Variants in NEK6 observed in about 807,000 individuals in gnomAD.
NEK6 encodes serine/threonine-protein kinase Nek6.
Under a neutral mutation model 43.5 loss-of-function variants are expected in NEK6, and 27 were observed. The ratio of observed to expected loss-of-function variants is 0.62; its 90% CI spans 0.46 to 0.86. The LOEUF (loss-of-function observed/expected upper bound fraction) is 0.86, where lower values mean the gene tolerates loss of function less well. Ranked by LOEUF, NEK6 falls within the 40% of genes least tolerant of loss-of-function variation. NEK6 has a pLI of 0.00. For missense variants in NEK6, 318 were observed against 414.4 expected, an observed-to-expected ratio of 0.77 and a Z score of 2.02; for synonymous variants, 167 against 164.1, an observed-to-expected ratio of 1.02 and a Z score of -0.14.
intron 5 of NEK6, among the ~76,000 whole-genome samples, chr9:124,322,479 G>A (rs1030532718): frequency 3.9e-5 from 6 of 152,100 alleles, no homozygotes; most frequent in South Asian, 4.1e-4. Context: ...CTGAGTCCCC[G>A]CCGTCCTCAA....
In NEK6 at chr9:124,343,974, T is replaced by A. The variant is rs1186253488; in HGVS notation, c.718-3735T>A. Among the ~76,000 whole-genome samples the A allele has an allele frequency of 6.6e-6, 1 of 152,214 alleles. No individual in the cohort carries two copies. Among genetic ancestry groups the A allele is most frequent in the Non-Finnish European group, 1.5e-5 (1 of 68,044 alleles). On this transcript the variant is annotated intron_variant, in intron 8 of 9. Transcript: ENST00000320246. The surrounding 1 kb of genome is among the most constrained non-coding windows in gnomAD (Gnocchi z 5.1). The stretch of plus-strand genomic sequence containing the variant: ...CTGGAGGCCAGATGTCCAAAATCAG[T>A]CTCGCTGGGCTAAGTCAAGGTGTCA...
In NEK6 at chr9:124,347,875, T is replaced by G. The variant is rs773751174; in HGVS notation, c.831+53T>G. On this transcript the variant is annotated intron_variant, in intron 9 of 9. Coordinates refer to ENST00000320246, the MANE Select transcript of NEK6 (RefSeq NM_014397.6). ...CCAGCCCCAGGAGGCCACCGAGGCT[T>G]ATGAGGGCCGCTCCAAAACACCACA... The G allele has an allele frequency of 1.7e-5, 18 of 1,085,514 alleles. 1 individual carries two copies. Among genetic ancestry groups the G allele is most frequent in the Non-Finnish European group, 2.5e-5 (18 of 709,222 alleles). The allele number at this position is 1,085,514 out of a possible 1,614,324, so 67.2% of individuals were successfully genotyped here. A position where few individuals can be genotyped will look rare whatever the true frequency, so the allele number is the denominator to read the frequency against.
intron 1 of NEK6, chr9:124,292,127 T>C (rs752933669): frequency 2.7e-6 from 3 of 1,112,172 alleles, no homozygotes; most frequent in Non-Finnish European, 3.3e-6. Flanking sequence ...TGGGAACCGC[T>C]TGCTCTTAGG....
intron 5 of NEK6, among the ~76,000 whole-genome samples, chr9:124,322,270 G>A (rs964482959): frequency 2.0e-5 from 3 of 152,142 alleles, no homozygotes; most frequent in East Asian, 1.9e-4. Context: ...GTGACTGTTC[G>A]AGTCACATGG....
intron 1 of NEK6, chr9:124,258,334 C>T: frequency 2.0e-6 from 2 of 985,156 alleles, no homozygotes; most frequent in Non-Finnish European, 2.4e-6. Flanking sequence ...TGCGTGTGCA[C>T]CCCGGAGCGT....
At chr9:124,293,011 G>C (rs753103515) in intron 1 of NEK6, 5 of 1,556,458 alleles carry the variant, frequency 3.2e-6, no homozygotes, top group Non-Finnish European at 4.3e-6. Context: ...CCAAGGCCTC[G>C]AGGTGAGAGC....
chr9:124,293,005 G>A (rs1201335303), intron 1 of NEK6: 1 of 1,564,726 alleles, frequency 6.4e-7, no homozygotes, highest in East Asian at 2.4e-5. Flanking sequence ...AGCCTGCCAA[G>A]GCCTCGAGGT....
At chr9:124,283,967 A>C (rs1281175585) in intron 1 of NEK6, among the ~76,000 whole-genome samples, 1 of 152,230 alleles carries the variant, frequency 6.6e-6, no homozygotes. Context: ...GGTGCCCAGC[A>C]CTTGTGTGTC....
rs147517890 is a variant in NEK6, at chr9:124,327,375, C to T, written c.552C>T (p.Gly184=). The change falls in exon 7 of 10, where the codon GGC becomes GGT. Residue 184 remains glycine, a synonymous_variant. Transcript: ENST00000320246. ...KPANVFITAT[G]VVKLGDLGLG... ...CCAACGTGTTCATCACAGCCACGGG[C>T]GTCGTGAAGCTCGGTGACCTTGGTC... 1.9e-5 allele frequency: 30 copies of T among 1,613,900 alleles called. No individual in the cohort carries two copies. Among genetic ancestry groups the T allele is most frequent in the Non-Finnish European group, 2.4e-5 (28 of 1,180,016 alleles).
rs1054394244 is a variant in NEK6, at chr9:124,343,829, C to A, written c.718-3880C>A. Among the ~76,000 whole-genome samples, 2 of 152,208 alleles carry A rather than the reference C, an allele frequency of 1.3e-5. No individual in the cohort carries two copies. Among genetic ancestry groups the A allele is most frequent in the Non-Finnish European group, 2.9e-5 (2 of 68,034 alleles). On this transcript the variant is annotated intron_variant, in intron 8 of 9. Coordinates refer to ENST00000320246, the MANE Select transcript of NEK6 (RefSeq NM_014397.6). The surrounding 1 kb of genome is among the most constrained non-coding windows in gnomAD (Gnocchi z 5.1). ...CGGAGAAAACCTGCCCTTCCCCAAG[C>A]CCCAGCACAGCCCGGAAGGCTCAAA...
chr9:124,259,002 C>G (rs1002499708), intron 1 of NEK6, among the ~76,000 whole-genome samples: 1 of 152,256 alleles, frequency 6.6e-6, no homozygotes, highest in East Asian at 1.9e-4. Flanking sequence ...GTGGGGGCCT[C>G]TCTGCCTGCC....
chr9:124,309,536 C>G (rs1564637148), intron 2 of NEK6, among the ~76,000 whole-genome samples: 1 of 152,186 alleles, frequency 6.6e-6, no homozygotes, highest in Non-Finnish European at 1.5e-5. Context: ...ACCCCCATCA[C>G]CAGCAGTGCA....
rs117915536 is a variant in NEK6, at chr9:124,349,471, C to T, written c.832-1366C>T. On this transcript the variant is annotated intron_variant, in intron 9 of 9. Transcript: ENST00000320246. The stretch of plus-strand genomic sequence containing the variant: ...TCCCAAGTCAGCCCTTTCCTGGCCA[C>T]GAGCCCCCACTCCCCGGAGCACTGG... Among the ~76,000 whole-genome samples, 880 of 152,290 alleles carry T rather than the reference C, an allele frequency of 5.8e-3. 9 individuals carry two copies. Among genetic ancestry groups the T allele is most frequent in the Non-Finnish European group, 9.4e-3 (640 of 68,016 alleles).
At chr9:124,335,246 C>T (rs1829227098) in intron 7 of NEK6, among the ~76,000 whole-genome samples, 1 of 152,104 alleles carries the variant, frequency 6.6e-6, no homozygotes, top group South Asian at 2.1e-4. Flanking sequence ...TCACACTGGG[C>T]TGTTCCTTTA....
chr9:124,265,360 A>G (rs1379809793), intron 1 of NEK6, among the ~76,000 whole-genome samples: 1 of 152,106 alleles, frequency 6.6e-6, no homozygotes, highest in Non-Finnish European at 1.5e-5. Context: ...CATCTCTACT[A>G]AAAATACAAA....
At chr9:124,308,375 G>C (rs753944040) in intron 2 of NEK6, among the ~76,000 whole-genome samples, 9 of 152,306 alleles carry the variant, frequency 5.9e-5, no homozygotes, top group Admixed American at 6.5e-5. Context: ...TTCTGGGCTG[G>C]GTGAGGTAGC....
chr9:124,258,296 C>G (rs1248440623), intron 1 of NEK6: 1 of 985,182 alleles, frequency 1.0e-6, no homozygotes, highest in Non-Finnish European at 1.2e-6. Flanking sequence ...GTCCGCGTGT[C>G]CCGGGGTGTG....
intron 7 of NEK6, among the ~76,000 whole-genome samples, chr9:124,333,099 A>T (rs2416925): frequency 6.6e-6 from 1 of 152,190 alleles, no homozygotes; most frequent in Admixed American, 6.5e-5. Flanking sequence ...TTCCCCGACG[A>T]CTCCTCAGAA....
chr9:124,305,313 G>A (rs558949512), intron 2 of NEK6, among the ~76,000 whole-genome samples: 51 of 152,236 alleles, frequency 3.4e-4, no homozygotes, highest in African/African-American at 1.0e-3. Context: ...CCAGCACTTC[G>A]GGAGGCCAAG....
Sources: allele counts gnomAD v4.1 joint callset (sites outside exome capture counted in the v4.1 genomes callset), GRCh38; gene constraint gnomAD v4.1.1; non-coding constraint Gnocchi (gnomAD v3.1); transcripts MANE v1.5; gene names NCBI Gene and HGNC (gene_info 2026-07-23, HGNC 2026-07-21).